Variants in PCDHGA7 observed in about 807,000 individuals in gnomAD.
PCDHGA7 encodes protocadherin gamma-A7.
Under a neutral mutation model 58.3 loss-of-function variants are expected in PCDHGA7, and 44 were observed. The observed-to-expected ratio is 0.75, with a 90% CI of 0.59 to 0.97. The LOEUF (loss-of-function observed/expected upper bound fraction) is 0.97. Among genes scored for constraint, PCDHGA7 ranks in the 50% least tolerant of loss-of-function variants. PCDHGA7 has a pLI of 0.00. For synonymous variants in PCDHGA7, 516 were observed against 504.2 expected, an observed-to-expected ratio of 1.02 and a Z score of -0.31; for missense variants, 1,266 against 1,188.7, an observed-to-expected ratio of 1.06 and a Z score of -0.96.
intron 1 of PCDHGA7, among the ~76,000 whole-genome samples, chr5:141,455,997 A>C (rs1373055623): frequency 1.3e-5 from 2 of 151,626 alleles, no homozygotes. Context: ...TCTCGGGTTC[A>C]TGCCATTCTC....
At chr5:141,478,068 A>T (rs560968418) in intron 1 of PCDHGA7, 1 of 1,614,134 alleles carries the variant, frequency 6.2e-7, no homozygotes, top group East Asian at 2.2e-5. Flanking sequence ...ATCAAAGACA[A>T]TGGGGAGCCT....
chr5:141,511,351 C>T lies in PCDHGA7; in HGVS notation c.*178C>T. The T allele has an allele frequency of 3.6e-6, 5 of 1,386,550 alleles. No individual in the cohort carries two copies. Among genetic ancestry groups the T allele is most frequent in the South Asian group, 1.5e-5 (1 of 67,154 alleles). The allele number at this position is 1,386,550 out of a possible 1,614,324, so 85.9% of individuals were successfully genotyped here. On this transcript the variant is annotated 3_prime_UTR_variant, in exon 4 of 4. Transcript: ENST00000518325. ...CCAGTCAGCACCTACCCCTTCCCCC[C>T]CAGGGGGTTGAATATGCAAAAGCAG...
At chr5:141,407,621 T>C (rs993791058) in intron 1 of PCDHGA7, among the ~76,000 whole-genome samples, 1 of 152,202 alleles carries the variant, frequency 6.6e-6, no homozygotes, top group African/African-American at 2.4e-5. Flanking sequence ...GTTGACATTC[T>C]ATATCTCGTA....
intron 1 of PCDHGA7, among the ~76,000 whole-genome samples, chr5:141,438,625 TATATATATATACACACAC>T (rs1351180774): frequency 3.0e-4 from 14 of 46,412 alleles, no homozygotes; most frequent in Middle Eastern, 8.3e-3. Context: ...TATATATATA[TATATATATATACACACAC>T]ACACACACAT....
intron 1 of PCDHGA7, chr5:141,426,867 G>C (rs1436078091): frequency 2.2e-6 from 1 of 456,590 alleles, no homozygotes; most frequent in African/African-American, 2.0e-5. Flanking sequence ...ATTAGTGCTG[G>C]AGAAGCCCCT....
chr5:141,422,450 G>C (rs748354292), intron 1 of PCDHGA7: 71 of 1,611,564 alleles, frequency 4.4e-5, no homozygotes, highest in Non-Finnish European at 5.9e-5. Flanking sequence ...TTGATAACAA[G>C]CAGAGTGCTG....
chr5:141,474,488 A>C (rs2099350464), intron 1 of PCDHGA7, among the ~76,000 whole-genome samples: 1 of 152,208 alleles, frequency 6.6e-6, no homozygotes. Flanking sequence ...AATGTATTCT[A>C]TCTTCTAATG....
At chr5:141,508,737 C>G (rs919094477) in intron 3 of PCDHGA7, among the ~76,000 whole-genome samples, 2 of 152,010 alleles carry the variant, frequency 1.3e-5, no homozygotes, top group Non-Finnish European at 2.9e-5. Flanking sequence ...CTACACCCCC[C>G]ACCCCGCTCT....
At position 141,402,030 on chromosome 5, in the gene PCDHGA7, A is replaced by C. The variant is rs188760101; in HGVS notation, c.2424+16707A>C. On this transcript the variant is annotated intron_variant, in intron 1 of 3. Transcript: ENST00000518325. Reference sequence around the variant, plus strand: ...ATATGCATTTGAATCATTGAAACACAGTCTGTGCATGCATTACATATTCAC... The same window carrying C: ...ATATGCATTTGAATCATTGAAACACCGTCTGTGCATGCATTACATATTCAC... Among the ~76,000 whole-genome samples the C allele has an allele frequency of 1.4e-3, 213 of 152,348 alleles. 1 individual carries two copies. The highest frequency in any genetic ancestry group is 4.8e-3 in the African/African-American group (199 of 41,586).
rs1191674511 is a variant in PCDHGA7 at position 141,384,704 on chromosome 5, C to T, written c.1805C>T (p.Ala602Val). Reference protein sequence around the residue: ...VAVDKDSGQNAWLSYLLLKAS... With the variant: ...VAVDKDSGQNVWLSYLLLKAS... ...GTGGACAAAGATTCAGGCCAGAACG[C>T]CTGGCTGTCATACCTCCTGCTTAAG... Residue 602 changes from alanine (A) to valine (V), a missense_variant, in exon 1 of 4, where the codon GCC becomes GTC. Physicochemically the swap from Ala to Val is moderately conservative, Grantham distance 64. Transcript: ENST00000518325. 1.2e-6 allele frequency: 2 copies of T among 1,614,004 alleles called. No homozygotes were observed. The highest frequency in any genetic ancestry group is 2.7e-5 in the African/African-American group (2 of 74,926).
At chr5:141,452,281 T>G (rs948141174) in intron 1 of PCDHGA7, among the ~76,000 whole-genome samples, 2 of 152,232 alleles carry the variant, frequency 1.3e-5, no homozygotes, top group Non-Finnish European at 2.9e-5. Flanking sequence ...CCTTTCTTAC[T>G]TTCTGATATA....
At chr5:141,409,878 C>T in intron 1 of PCDHGA7, 4 of 1,612,952 alleles carry the variant, frequency 2.5e-6, no homozygotes, top group Middle Eastern at 1.6e-4. Flanking sequence ...AATGACAACG[C>T]ACCGCGGGTG....
chr5:141,408,430 C>T, intron 1 of PCDHGA7: 2 of 1,614,012 alleles, frequency 1.2e-6, no homozygotes, highest in South Asian at 1.1e-5. Context: ...TGCACTTCAG[C>T]GTAGACGCGG....
chr5:141,445,433 C>A (rs2098466883), intron 1 of PCDHGA7, among the ~76,000 whole-genome samples: 1 of 152,136 alleles, frequency 6.6e-6, no homozygotes, highest in Non-Finnish European at 1.5e-5. Flanking sequence ...AAGGCACTGA[C>A]CTATGGACTA....
chr5:141,394,868 C>A, intron 1 of PCDHGA7: 1 of 1,613,828 alleles, frequency 6.2e-7, no homozygotes, highest in Non-Finnish European at 8.5e-7. Flanking sequence ...TCGACCCGAA[C>A]GATTCGAGCC....
Position 141,486,255 on chromosome 5 carries a change from A to G in PCDHGA7, c.2425-8552A>G. 1 of 1,614,028 alleles carries G rather than the reference A, an allele frequency of 6.2e-7. No homozygotes were observed. Reference sequence around the variant, plus strand: ...ACCTCAGAGCTTGGAACCCTCCCCGAGAGTGCAGAACCTGGCACTGTGGTG... The same window carrying G: ...ACCTCAGAGCTTGGAACCCTCCCCGGGAGTGCAGAACCTGGCACTGTGGTG... On this transcript the variant is annotated intron_variant, in intron 1 of 3. Coordinates refer to ENST00000518325, the MANE Select transcript of PCDHGA7 (RefSeq NM_018920.4). This position sits in a 1 kb window ranked among gnomAD's most constrained non-coding sequence, Gnocchi z 5.0.
chr5:141,454,587 G>A (rs1000852095), intron 1 of PCDHGA7, among the ~76,000 whole-genome samples: 22 of 150,902 alleles, frequency 1.5e-4, no homozygotes, highest in African/African-American at 5.4e-4. Context: ...TGTATTTTTA[G>A]TAGAGACAGG....
intron 1 of PCDHGA7, chr5:141,428,330 T>C: frequency 1.6e-6 from 1 of 628,558 alleles, no homozygotes; most frequent in Non-Finnish European, 2.9e-6. Flanking sequence ...TTGATTTCTA[T>C]GCTCTTCTTC....
intron 1 of PCDHGA7, chr5:141,441,943 C>CT: frequency 1.2e-5 from 4 of 336,004 alleles, no homozygotes; most frequent in South Asian, 1.1e-4. Flanking sequence ...CTACCACGTG[C>CT]TGCAGGCCAG....
Sources: allele counts gnomAD v4.1 joint callset (sites outside exome capture counted in the v4.1 genomes callset), GRCh38; gene constraint gnomAD v4.1.1; non-coding constraint Gnocchi (gnomAD v3.1); transcripts MANE v1.5; gene names NCBI Gene and HGNC (gene_info 2026-07-23, HGNC 2026-07-21).